NAALADL2: variants seen among roughly 807,000 people sequenced by gnomAD.
NAALADL2 encodes N-acetylated alpha-linked acidic dipeptidase like 2.
Under a neutral mutation model 87.2 loss-of-function variants are expected in NAALADL2, and 76 were observed. The observed-to-expected ratio is 0.87, with a 90% CI of 0.72 to 1.05. The LOEUF (loss-of-function observed/expected upper bound fraction) is 1.05. Ranked by LOEUF, NAALADL2 falls within the 50% of genes least tolerant of loss-of-function variation. NAALADL2 has a pLI of 0.00. For missense variants in NAALADL2, 1,089 were observed against 945.8 expected (o/e 1.15, Z -1.99); for synonymous variants, 354 against 331.0 (o/e 1.07, Z -0.75).
intron 13 of NAALADL2, among the ~76,000 whole-genome samples, chr3:175,796,660 A>G (rs1009796614): frequency 1.3e-5 from 2 of 152,224 alleles, no homozygotes; most frequent in Non-Finnish European, 2.9e-5. Context: ...AATAGCAACA[A>G]TTGTATGAAA....
At chr3:174,986,960 G>C (rs1362554301) in intron 1 of NAALADL2, among the ~76,000 whole-genome samples, 2 of 152,112 alleles carry the variant, frequency 1.3e-5, no homozygotes, top group Admixed American at 1.3e-4. Flanking sequence ...AATGCTTAAA[G>C]AGGAATTACA....
intron 2 of NAALADL2, among the ~76,000 whole-genome samples, chr3:174,645,959 T>C (rs921792237): frequency 3.3e-5 from 5 of 152,172 alleles, no homozygotes; most frequent in African/African-American, 4.8e-5. Flanking sequence ...GTCTAGACAG[T>C]GGATGACAGG....
In NAALADL2 at chr3:174,928,430, C is replaced by T. The variant is rs752018245; in HGVS notation, c.43+68980C>T. ...AATTTTTTTGCATTTTTAGTAGAGACGGGATTTCACCATGTTGGCCAGGCT... is the reference window on the plus strand; with the variant it reads ...AATTTTTTTGCATTTTTAGTAGAGATGGGATTTCACCATGTTGGCCAGGCT... On this transcript the variant is annotated intron_variant, in intron 1 of 13. Transcript: ENST00000454872. 5.9e-5 allele frequency among the ~76,000 whole-genome samples: 9 copies of T among 152,014 alleles called. 1 individual carries two copies. Among genetic ancestry groups the T allele is most frequent in the South Asian group, 4.2e-4 (2 of 4,814 alleles).
Position 175,361,896 on chromosome 3 carries a change from C to T in NAALADL2, c.1090+37571C>T, listed in dbSNP as rs1396122063. On this transcript the variant is annotated intron_variant, in intron 5 of 13. Coordinates refer to ENST00000454872, the MANE Select transcript of NAALADL2 (RefSeq NM_207015.3). The stretch of plus-strand genomic sequence containing the variant: ...ATTAGATCCCATTTGTCAATTTTGG[C>T]TTTTGTTGCCATTGCTTTTGGTGTT... Among the ~76,000 whole-genome samples, 32 of 148,038 alleles carry T rather than the reference C, an allele frequency of 2.2e-4. 2 individuals are homozygous for T. Among genetic ancestry groups the T allele is most frequent in the Non-Finnish European group, 3.8e-4 (25 of 66,602 alleles).
At chr3:175,012,382 G>A (rs977330167) in intron 1 of NAALADL2, among the ~76,000 whole-genome samples, 3 of 151,964 alleles carry the variant, frequency 2.0e-5, no homozygotes, top group African/African-American at 7.2e-5. Flanking sequence ...TAGCCAGGCT[G>A]GTCTCGAACT....
At chr3:175,457,197 C>T (rs1261969064) in intron 6 of NAALADL2, among the ~76,000 whole-genome samples, 1 of 151,984 alleles carries the variant, frequency 6.6e-6, no homozygotes, top group Non-Finnish European at 1.5e-5. Context: ...CTACCTGCCC[C>T]TACCATGATG....
At chr3:175,458,278 T>C (rs1353439843) in intron 6 of NAALADL2, among the ~76,000 whole-genome samples, 15 of 151,982 alleles carry the variant, frequency 9.9e-5, no homozygotes. Flanking sequence ...TAGGAAAATA[T>C]AGTTATATTT....
At chr3:175,658,407 AGATT>A (rs1731794885) in intron 11 of NAALADL2, among the ~76,000 whole-genome samples, 1 of 152,204 alleles carries the variant, frequency 6.6e-6, no homozygotes, top group South Asian at 2.1e-4. Context: ...CTGGTCATTA[AGATT>A]GATATATTAT....
chr3:175,501,994 A>T (rs1428122730), intron 9 of NAALADL2, among the ~76,000 whole-genome samples: 1 of 152,134 alleles, frequency 6.6e-6, no homozygotes, highest in Admixed American at 6.6e-5. Context: ...TAGTAAGATC[A>T]AAAAGGGCTG....
At chr3:174,796,893 C>T (rs570200774) in intron 3 of NAALADL2, among the ~76,000 whole-genome samples, 1 of 151,676 alleles carries the variant, frequency 6.6e-6, no homozygotes, top group Non-Finnish European at 1.5e-5. Context: ...GATATTTTCT[C>T]CTATTTTGCA....
intron 1 of NAALADL2, among the ~76,000 whole-genome samples, chr3:174,495,809 A>G (rs1312245102): frequency 6.6e-6 from 1 of 152,202 alleles, no homozygotes; most frequent in Non-Finnish European, 1.5e-5. Flanking sequence ...ATTTAGTACT[A>G]TTGAGCTGTA....
chr3:175,480,287 T>C (rs184056277), intron 9 of NAALADL2, among the ~76,000 whole-genome samples: 1 of 111,438 alleles, frequency 9.0e-6, no homozygotes, highest in East Asian at 4.2e-4. Context: ...TTAGGTCTAG[T>C]GTTAATGTTT....
At chr3:175,280,704 C>G (rs1355695893) in intron 4 of NAALADL2, among the ~76,000 whole-genome samples, 1 of 152,006 alleles carries the variant, frequency 6.6e-6, no homozygotes, top group Non-Finnish European at 1.5e-5. Context: ...TAAACACATT[C>G]TGCCACATGA....
intron 3 of NAALADL2, among the ~76,000 whole-genome samples, chr3:175,253,068 G>C (rs2109792317): frequency 6.6e-6 from 1 of 152,282 alleles, no homozygotes; most frequent in African/African-American, 2.4e-5. Flanking sequence ...AGGTACTAAT[G>C]AAAGTGGCTA....
chr3:174,802,032 G>T (rs1421620232), intron 3 of NAALADL2, among the ~76,000 whole-genome samples: 3 of 151,866 alleles, frequency 2.0e-5, no homozygotes, highest in Admixed American at 2.0e-4. Flanking sequence ...ACCACAATTG[G>T]CATTTTCAAA....
At position 174,512,856 on chromosome 3, in the gene NAALADL2, A is replaced by G. The variant is rs141319741; in HGVS notation, c.-183-37713A>G. 2.1e-4 allele frequency among the ~76,000 whole-genome samples: 32 copies of G among 152,288 alleles called. No individual in the cohort carries two copies. The East Asian group carries it at 6.0e-3, about 28-fold the overall frequency. On this transcript the variant is annotated intron_variant, in intron 1 of 3. Transcript: ENST00000434257. ...ATATAGTTACTCTGGTTTTCTTAAT[A>G]AGATGGGCACATAAAGCCTGGTATC...
At chr3:175,296,111 AAGATAT>A (rs1442671445) in intron 4 of NAALADL2, among the ~76,000 whole-genome samples, 3 of 152,246 alleles carry the variant, frequency 2.0e-5, no homozygotes, top group African/African-American at 7.2e-5. Flanking sequence ...AAGCTCTCTG[AAGATAT>A]AGTCCATAAC....
intron 5 of NAALADL2, among the ~76,000 whole-genome samples, chr3:175,367,156 G>A (rs1353732212): frequency 7.3e-5 from 11 of 151,418 alleles, no homozygotes; most frequent in Non-Finnish European, 1.6e-4. Context: ...GTTTGTCAAA[G>A]ATCAGATAGT....
chr3:175,456,177 A>C (rs1722285671), intron 6 of NAALADL2, among the ~76,000 whole-genome samples: 1 of 152,048 alleles, frequency 6.6e-6, no homozygotes, highest in Non-Finnish European at 1.5e-5. Flanking sequence ...GCTCTTAATA[A>C]TTGCAACAAA....
Sources: gnomAD v4.1 joint callset for allele counts (sites outside exome capture counted in the v4.1 genomes callset) on GRCh38, gnomAD v4.1.1 for gene constraint, MANE v1.5 for transcripts, NCBI Gene and HGNC (gene_info 2026-07-23, HGNC 2026-07-21) for gene names.